Variants in KCNA5 observed in about 807,000 individuals in gnomAD.
KCNA5 encodes potassium voltage-gated channel subfamily A member 5.
KCNA5 carries 22 observed loss-of-function variants against 26.5 expected under a neutral mutation model. The ratio of observed to expected loss-of-function variants is 0.83; its 90% confidence interval spans 0.59 to 1.18. KCNA5 has a LOEUF of 1.18. KCNA5 is among the 50% of genes most tolerant of loss of function. The probability of loss-of-function intolerance (pLI) is 0.00; values close to 1 mark genes in which losing one functional copy is unlikely to be tolerated. For synonymous variants in KCNA5, 465 were observed against 372.8 expected (o/e 1.25, Z -2.85); for missense variants, 916 against 843.2 (o/e 1.09, Z -1.07).
chr12:5,044,457 C>G lies in KCNA5; in HGVS notation c.310C>G (p.Leu104Val), dbSNP rs780738389. The stretch of plus-strand genomic sequence containing the variant: ...CGAGGAGGAAGAAGGCGATCCCGGC[C>G]TGGGCACGGTGGAGGACCAGGCTCT... ...EDEEEEGDPGLGTVEDQALGT... is the reference protein window; with the variant it reads ...EDEEEEGDPGVGTVEDQALGT... Residue 104 changes from leucine (L) to valine (V), a missense_variant, in exon 1 of 1, where the codon CTG becomes GTG. By Grantham distance (32) the Leu-to-Val change is conservative (BLOSUM62 1). Coordinates refer to ENST00000252321, the MANE Select transcript of KCNA5 (RefSeq NM_002234.4). 1 of 1,611,246 alleles carries G rather than the reference C, an allele frequency of 6.2e-7. No homozygotes were observed. The highest frequency in any genetic ancestry group is 1.7e-5 in the Admixed American group (1 of 59,950).
chr12:5,044,467 T>G lies in KCNA5; in HGVS notation c.320T>G (p.Val107Gly), dbSNP rs1426737347. Residue 107 changes from valine to glycine, a missense_variant, in exon 1 of 1, where the codon GTG (valine) becomes GGG (glycine). Transcript: ENST00000252321. ...GAAGGCGATCCCGGCCTGGGCACGG[T>G]GGAGGACCAGGCTCTGGGCACGGCG... Reference protein sequence around the residue: ...EEEGDPGLGTVEDQALGTASL... With the variant: ...EEEGDPGLGTGEDQALGTASL... 3 of 1,611,478 alleles carry G rather than the reference T, an allele frequency of 1.9e-6. No individual in the cohort carries two copies. Among genetic ancestry groups the G allele is most frequent in the Non-Finnish European group, 2.5e-6 (3 of 1,179,232 alleles).
At position 5,045,623 on chromosome 12, in the gene KCNA5, G is replaced by A; in HGVS notation, c.1476G>A (p.Gly492=). ...GGGACATGAGGCCCATCACTGTTGG[G>A]GGCAAGATCGTGGGCTCGCTGTGTG... ...GYGDMRPITV[G]GKIVGSLCAI... is the part of the protein sequence containing the mutation. The change falls in exon 1 of 1, where the codon GGG becomes GGA. Residue 492 remains glycine, a synonymous_variant. Transcript: ENST00000252321. This position sits in a 1 kb window ranked among gnomAD's most constrained non-coding sequence, Gnocchi z 5.6. 2 of 1,614,192 alleles carry A rather than the reference G, an allele frequency of 1.2e-6. No homozygotes were observed. The highest frequency in any genetic ancestry group is 1.7e-6 in the Non-Finnish European group (2 of 1,180,030).
In KCNA5 at chr12:5,045,134, C is replaced by T. The variant is rs1295313708; in HGVS notation, c.987C>T (p.Thr329=). 5 of 1,614,094 alleles carry T rather than the reference C, an allele frequency of 3.1e-6. No individual in the cohort carries two copies. The highest frequency in any genetic ancestry group is 2.2e-5 in the East Asian group (1 of 44,852). Residue 329 remains threonine, a synonymous_variant, in exon 1 of 1, where the codon ACC becomes ACT. Coordinates refer to ENST00000252321, the MANE Select transcript of KCNA5 (RefSeq NM_002234.4). The surrounding 1 kb of genome is among the most constrained non-coding windows in gnomAD (Gnocchi z 5.6). Reference sequence around the variant, plus strand: ...CCGACCCCTTCTTCATCGTGGAGACCACGTGCGTCATCTGGTTCACCTTCG... The same window carrying T: ...CCGACCCCTTCTTCATCGTGGAGACTACGTGCGTCATCTGGTTCACCTTCG... ...TLADPFFIVE[T]TCVIWFTFEL... is the part of the protein sequence containing the mutation.
rs1433357680 is a variant in KCNA5, at chr12:5,045,703, T to G, written c.1556T>G (p.Phe519Cys). ...CCTGTGCCCGTCATCGTCTCCAACT[T>G]CAACTACTTCTACCACCGGGAAACG... is the stretch of plus-strand genomic sequence containing the variant. ...ALPVPVIVSN[F>C]NYFYHRETDH... The change falls in exon 1 of 1, where the codon TTC becomes TGC. Residue 519 changes from phenylalanine to cysteine, a missense_variant. Coordinates refer to ENST00000252321, the MANE Select transcript of KCNA5 (RefSeq NM_002234.4). This position sits in a 1 kb window ranked among gnomAD's most constrained non-coding sequence, Gnocchi z 5.6. 1 of 1,613,974 alleles carries G rather than the reference T, an allele frequency of 6.2e-7. No homozygotes were observed. Among genetic ancestry groups the G allele is most frequent in the Non-Finnish European group, 8.5e-7 (1 of 1,179,978 alleles).
Position 5,044,293 on chromosome 12 carries a change from C to T in KCNA5, c.146C>T (p.Pro49Leu). ...TAGLSDGPKE[P>L]APKGRGAQRD... ...GGGCTCAGCGATGGGCCCAAGGAGC[C>T]GGCGCCAAAGGGGCGCGGCGCGCAG... Residue 49 changes from proline to leucine, a missense_variant, in exon 1 of 1, where the codon CCG becomes CTG. Transcript: ENST00000252321. 1.3e-6 allele frequency: 2 copies of T among 1,547,534 alleles called. No homozygotes were observed. The highest frequency in any genetic ancestry group is 1.2e-5 in the South Asian group (1 of 84,912).
rs1160760950 is a variant in KCNA5 at position 5,044,365 on chromosome 12, C to T, written c.218C>T (p.Pro73Leu). The change falls in exon 1 of 1, where the codon CCG becomes CTG. Residue 73 changes from proline (P) to leucine (L), a missense_variant. Physicochemically the swap from Pro to Leu is moderately conservative, Grantham distance 98. Coordinates refer to ENST00000252321, the MANE Select transcript of KCNA5 (RefSeq NM_002234.4). ...GVRPLPPLPD[P>L]GVRPLPPLPE... Reference sequence around the variant, plus strand: ...CGGCCCTTGCCTCCGCTGCCGGACCCGGGAGTGCGGCCCTTGCCTCCGCTG... The same window carrying T: ...CGGCCCTTGCCTCCGCTGCCGGACCTGGGAGTGCGGCCCTTGCCTCCGCTG... 4 of 1,552,908 alleles carry T rather than the reference C, an allele frequency of 2.6e-6. No homozygotes were observed. The highest frequency in any genetic ancestry group is 2.7e-5 in the African/African-American group (2 of 73,702).
Position 5,044,344 on chromosome 12 carries a change from C to T in KCNA5, c.197C>T (p.Pro66Leu). 1 of 1,547,074 alleles carries T rather than the reference C, an allele frequency of 6.5e-7. No individual in the cohort carries two copies. The highest frequency in any genetic ancestry group is 1.4e-5 in the African/African-American group (1 of 73,808). ...AQRDADSGVR[P>L]LPPLPDPGVR... The stretch of plus-strand genomic sequence containing the variant: ...AGAGACGCGGACTCGGGAGTGCGGC[C>T]CTTGCCTCCGCTGCCGGACCCGGGA... Residue 66 changes from proline to leucine, a missense_variant, in exon 1 of 1, where the codon CCC becomes CTC. Physicochemically the swap from Pro to Leu is moderately conservative, Grantham distance 98. Coordinates refer to ENST00000252321, the MANE Select transcript of KCNA5 (RefSeq NM_002234.4).
Position 5,045,567 on chromosome 12 carries a change from G to A in KCNA5, c.1420G>A (p.Ala474Thr). The A allele has an allele frequency of 2.5e-6, 4 of 1,614,202 alleles. No individual in the cohort carries two copies. The highest frequency in any genetic ancestry group is 3.4e-6 in the Non-Finnish European group (4 of 1,180,030). ...TAGCATCCCTGACGCCTTCTGGTGG[G>A]CAGTGGTCACCATGACCACTGTGGG... ...FSSIPDAFWWAVVTMTTVGYG... is the reference protein window; with the variant it reads ...FSSIPDAFWWTVVTMTTVGYG... Residue 474 changes from alanine (A) to threonine (T), a missense_variant, in exon 1 of 1, where the codon GCA (alanine) becomes ACA (threonine). Transcript: ENST00000252321. The surrounding 1 kb of genome is among the most constrained non-coding windows in gnomAD (Gnocchi z 5.6).
Position 5,045,109 on chromosome 12 carries a change from C to T in KCNA5, c.962C>T (p.Ala321Val), listed in dbSNP as rs529780345. The change falls in exon 1 of 1, where the codon GCC (alanine) becomes GTC (valine). Residue 321 changes from alanine (A) to valine (V), a missense_variant. Ala to Val is a moderately conservative substitution (Grantham distance 64). Coordinates refer to ENST00000252321, the MANE Select transcript of KCNA5 (RefSeq NM_002234.4). This position sits in a 1 kb window ranked among gnomAD's most constrained non-coding sequence, Gnocchi z 5.6. ...GCACCGCTCCTGCCCAGGACCCTGG[C>T]CGACCCCTTCTTCATCGTGGAGACC... Reference protein sequence around the residue: ...TVAPLLPRTLADPFFIVETTC... With the variant: ...TVAPLLPRTLVDPFFIVETTC... The T allele has an allele frequency of 3.1e-6, 5 of 1,613,730 alleles. No homozygotes were observed. Among genetic ancestry groups the T allele is most frequent in the Admixed American group, 3.3e-5 (2 of 60,024 alleles).
chr12:5,044,995 G>T lies in KCNA5; in HGVS notation c.848G>T (p.Arg283Leu), dbSNP rs1020769441. The T allele has an allele frequency of 6.2e-7, 1 of 1,612,778 alleles. No individual in the cohort carries two copies. Residue 283 changes from arginine (R) to leucine (L), a missense_variant, in exon 1 of 1, where the codon CGC becomes CTC. Physicochemically the swap from Arg to Leu is moderately radical, Grantham distance 102. Transcript: ENST00000252321. The part of the protein sequence containing the change: ...PEFRDERELL[R>L]HPPAPHQPPA... ...TTCAGGGATGAACGTGAGCTGCTCC[G>T]CCACCCTCCGGCGCCCCACCAGCCT...
chr12:5,044,090 G>A lies in KCNA5; in HGVS notation c.-58G>A. On this transcript the variant is annotated 5_prime_UTR_variant, in exon 1 of 1. Transcript: ENST00000252321. ...CTGACGCCAGGCGCCCGCGGAGCGT[G>A]AGTAGGGGGCGCGGGAGCCGGTCAG... The A allele has an allele frequency of 2.6e-6, 4 of 1,525,138 alleles. No individual in the cohort carries two copies. Among genetic ancestry groups the A allele is most frequent in the Non-Finnish European group, 3.5e-6 (4 of 1,139,586 alleles). The allele number at this position is 1,525,138 out of a possible 1,614,324, so 94.5% of individuals were successfully genotyped here.
Position 5,045,597 on chromosome 12 carries a change from G to T in KCNA5, c.1450G>T (p.Gly484Trp). The change falls in exon 1 of 1, where the codon GGG becomes TGG. Residue 484 changes from glycine to tryptophan, a missense_variant. Transcript: ENST00000252321. This position sits in a 1 kb window ranked among gnomAD's most constrained non-coding sequence, Gnocchi z 5.6. ...AVVTMTTVGY[G>W]DMRPITVGGK... ...GGTCACCATGACCACTGTGGGCTAC[G>T]GGGACATGAGGCCCATCACTGTTGG... 3 of 1,614,220 alleles carry T rather than the reference G, an allele frequency of 1.9e-6. No homozygotes were observed. Among genetic ancestry groups the T allele is most frequent in the Non-Finnish European group, 1.7e-6 (2 of 1,180,044 alleles).
rs772762096 is a variant in KCNA5, at chr12:5,045,573, G to A, written c.1426G>A (p.Val476Ile). 3.1e-6 allele frequency: 5 copies of A among 1,614,208 alleles called. No individual in the cohort carries two copies. The Admixed American group carries it at 8.3e-5, about 27-fold the overall frequency. The change falls in exon 1 of 1, where the codon GTC (valine) becomes ATC (isoleucine). Residue 476 changes from valine to isoleucine, a missense_variant. Val to Ile is a conservative substitution (Grantham distance 29). Transcript: ENST00000252321. The surrounding 1 kb of genome is among the most constrained non-coding windows in gnomAD (Gnocchi z 5.6). ...CCCTGACGCCTTCTGGTGGGCAGTGGTCACCATGACCACTGTGGGCTACGG... is the reference window on the plus strand; with the variant it reads ...CCCTGACGCCTTCTGGTGGGCAGTGATCACCATGACCACTGTGGGCTACGG... ...SIPDAFWWAV[V>I]TMTTVGYGDM...
Position 5,045,816 on chromosome 12 carries a change from A to G in KCNA5, c.1669A>G (p.Ser557Gly), listed in dbSNP as rs1489197014. Residue 557 changes from serine to glycine, a missense_variant, in exon 1 of 1, where the codon AGC becomes GGC. Ser to Gly is a moderately conservative substitution (Grantham distance 56). Coordinates refer to ENST00000252321, the MANE Select transcript of KCNA5 (RefSeq NM_002234.4). This position sits in a 1 kb window ranked among gnomAD's most constrained non-coding sequence, Gnocchi z 5.6. Reference protein sequence around the residue: ...GLDRGVQRKVSGSRGSFCKAG... With the variant: ...GLDRGVQRKVGGSRGSFCKAG... ...GGACAGAGGAGTCCAGCGGAAGGTC[A>G]GCGGGAGCAGGGGATCCTTCTGCAA... 2 of 1,614,120 alleles carry G rather than the reference A, an allele frequency of 1.2e-6. No homozygotes were observed. Among genetic ancestry groups the G allele is most frequent in the Non-Finnish European group, 1.7e-6 (2 of 1,179,990 alleles).
At position 5,045,555 on chromosome 12, in the gene KCNA5, G is replaced by A. The variant is rs1862767295; in HGVS notation, c.1408G>A (p.Ala470Thr). 2 of 1,614,200 alleles carry A rather than the reference G, an allele frequency of 1.2e-6. No homozygotes were observed. The highest frequency in any genetic ancestry group is 1.7e-6 in the Non-Finnish European group (2 of 1,180,056). Residue 470 changes from alanine (A) to threonine (T), a missense_variant, in exon 1 of 1, where the codon GCC (alanine) becomes ACC (threonine). Physicochemically the swap from Ala to Thr is moderately conservative, Grantham distance 58 (BLOSUM62 0). Transcript: ENST00000252321. This position sits in a 1 kb window ranked among gnomAD's most constrained non-coding sequence, Gnocchi z 5.6. ...AACCCATTTCTCTAGCATCCCTGAC[G>A]CCTTCTGGTGGGCAGTGGTCACCAT... ...QGTHFSSIPD[A>T]FWWAVVTMTT...
chr12:5,045,573 G>C lies in KCNA5; in HGVS notation c.1426G>C (p.Val476Leu). ...SIPDAFWWAVVTMTTVGYGDM... is the reference protein window; with the variant it reads ...SIPDAFWWAVLTMTTVGYGDM... ...CCCTGACGCCTTCTGGTGGGCAGTGGTCACCATGACCACTGTGGGCTACGG... is the reference window on the plus strand; with the variant it reads ...CCCTGACGCCTTCTGGTGGGCAGTGCTCACCATGACCACTGTGGGCTACGG... The change falls in exon 1 of 1, where the codon GTC (valine) becomes CTC (leucine). Residue 476 changes from valine to leucine, a missense_variant. By Grantham distance (32) the Val-to-Leu change is conservative. Coordinates refer to ENST00000252321, the MANE Select transcript of KCNA5 (RefSeq NM_002234.4). This position sits in a 1 kb window ranked among gnomAD's most constrained non-coding sequence, Gnocchi z 5.6. 6.2e-7 allele frequency: 1 copy of C among 1,614,208 alleles called. No individual in the cohort carries two copies. Among genetic ancestry groups the C allele is most frequent in the Non-Finnish European group, 8.5e-7 (1 of 1,180,040 alleles).
Position 5,045,536 on chromosome 12 carries a change from T to C in KCNA5, c.1389T>C (p.His463=), listed in dbSNP as rs772334975. 1 of 1,614,178 alleles carries C rather than the reference T, an allele frequency of 6.2e-7. No individual in the cohort carries two copies. The highest frequency in any genetic ancestry group is 8.5e-7 in the Non-Finnish European group (1 of 1,180,018). ...YFAEADNQGT[H]FSSIPDAFWW... is the part of the protein sequence containing the mutation. ...CAGAGGCTGACAACCAGGGAACCCA[T>C]TTCTCTAGCATCCCTGACGCCTTCT... Residue 463 remains histidine, a synonymous_variant, in exon 1 of 1, where the codon CAT becomes CAC. Transcript: ENST00000252321. The surrounding 1 kb of genome is among the most constrained non-coding windows in gnomAD (Gnocchi z 5.6).
chr12:5,044,498 G>T lies in KCNA5; in HGVS notation c.351G>T (p.Leu117=), dbSNP rs764697716. 6.2e-7 allele frequency: 1 copy of T among 1,612,572 alleles called. No homozygotes were observed. Among genetic ancestry groups the T allele is most frequent in the Non-Finnish European group, 8.5e-7 (1 of 1,179,404 alleles). ...ACCAGGCTCTGGGCACGGCGTCCCT[G>T]CACCACCAGCGCGTCCACATCAACA... The part of the protein sequence containing the change: ...VEDQALGTAS[L]HHQRVHINIS... The change falls in exon 1 of 1, where the codon CTG becomes CTT. Residue 117 remains leucine (L), a synonymous_variant. Transcript: ENST00000252321.
Position 5,044,386 on chromosome 12 carries a change from C to T in KCNA5, c.239C>T (p.Pro80Leu). The T allele has an allele frequency of 4.4e-6, 7 of 1,575,274 alleles. No individual in the cohort carries two copies. Among genetic ancestry groups the T allele is most frequent in the Non-Finnish European group, 6.0e-6 (7 of 1,166,216 alleles). ...LPDPGVRPLP[P>L]LPEELPRPRR... is the part of the protein sequence containing the mutation. ...GACCCGGGAGTGCGGCCCTTGCCTC[C>T]GCTGCCAGAGGAGCTGCCACGGCCT... is the stretch of plus-strand genomic sequence containing the variant. The change falls in exon 1 of 1, where the codon CCG becomes CTG. Residue 80 changes from proline to leucine, a missense_variant. Physicochemically the swap from Pro to Leu is moderately conservative, Grantham distance 98. Coordinates refer to ENST00000252321, the MANE Select transcript of KCNA5 (RefSeq NM_002234.4).
Sources: gnomAD v4.1 joint callset for allele counts on GRCh38, gnomAD v4.1.1 for gene constraint, Gnocchi (gnomAD v3.1) non-coding constraint, MANE v1.5 for transcripts, NCBI Gene and HGNC (gene_info 2026-07-23, HGNC 2026-07-21) for gene names.